The following LRRC7 variants were observed in gnomAD, a reference collection of about 807,000 sequenced individuals.
LRRC7 encodes leucine rich repeat containing 7.
A neutral mutation model predicts 175.7 loss-of-function variants in LRRC7; 23 were observed. The observed-to-expected ratio is 0.13, with a 90% CI of 0.09 to 0.19. The LOEUF (loss-of-function observed/expected upper bound fraction) is 0.19, where lower values mean the gene tolerates loss of function less well. Among genes scored for constraint, LRRC7 ranks in the 10% least tolerant of loss-of-function variants. LRRC7 has a pLI of 1.00. For synonymous variants in LRRC7, 685 were observed against 680.9 expected (o/e 1.01, Z -0.09); for missense variants, 1,354 against 1,904.7 (o/e 0.71, Z 5.38).
intron 2 of LRRC7, among the ~76,000 whole-genome samples, chr1:69,701,656 A>G (rs75631580): frequency 0.025 from 3,825 of 152,324 alleles, 147 homozygotes; most frequent in African/African-American, 0.085. Context: ...TCTGTTTCAC[A>G]TGAGGCTGTT....
chr1:69,944,856 G>C (rs879256459), intron 8 of LRRC7, among the ~76,000 whole-genome samples: 2 of 151,444 alleles, frequency 1.3e-5, no homozygotes, highest in Non-Finnish European at 2.9e-5. Context: ...TTTTAACCAG[G>C]TTGTTTTACT....
In LRRC7 at chr1:70,005,997, C is replaced by G. The variant is rs1229201497; in HGVS notation, c.1005-5800C>G. Among the ~76,000 whole-genome samples the G allele has an allele frequency of 2.0e-5, 3 of 149,030 alleles. 1 individual carries two copies. The highest frequency in any genetic ancestry group is 7.4e-5 in the African/African-American group (3 of 40,518). Reference sequence around the variant, plus strand: ...AGGTAACCTTTGGTCTTTTTTTTTTCACTTCATTACAAATGTCAGTGGCAA... The same window carrying G: ...AGGTAACCTTTGGTCTTTTTTTTTTGACTTCATTACAAATGTCAGTGGCAA... On this transcript the variant is annotated intron_variant, in intron 11 of 26. Coordinates refer to ENST00000651989, the MANE Select transcript of LRRC7 (RefSeq NM_001370785.2).
At chr1:69,581,316 T>C (rs1015365675) in intron 1 of LRRC7, among the ~76,000 whole-genome samples, 3 of 152,174 alleles carry the variant, frequency 2.0e-5, no homozygotes, top group African/African-American at 7.2e-5. Context: ...TACAGTGAGC[T>C]GGACAATAAA....
chr1:69,868,510 T>A (rs1267622964), intron 7 of LRRC7, among the ~76,000 whole-genome samples: 1 of 152,010 alleles, frequency 6.6e-6, no homozygotes, highest in Non-Finnish European at 1.5e-5. Flanking sequence ...AGGAATATAG[T>A]GTGTACTTGA....
rs1279278442 is a variant in LRRC7 at position 70,142,926 on chromosome 1, AT to A, written c.*21045del. On this transcript the variant is annotated 3_prime_UTR_variant, in exon 27 of 27. Coordinates refer to ENST00000651989, the MANE Select transcript of LRRC7 (RefSeq NM_001370785.2). Reference sequence around the variant, plus strand: ...TGTTTTCTAAGTATCTATGAAAATTATTTTTTCCTAAACGATTTCATAATTG... The same window carrying A: ...TGTTTTCTAAGTATCTATGAAAATTATTTTTCCTAAACGATTTCATAATTG... 6.6e-6 allele frequency: 1 copy of A among 151,902 alleles called. No individual in the cohort carries two copies. Among genetic ancestry groups the A allele is most frequent in the African/African-American group, 2.4e-5 (1 of 41,368 alleles). The allele number at this position is 151,902 out of a possible 1,614,324, so 9.4% of individuals were successfully genotyped here. A position where few individuals can be genotyped will look rare whatever the true frequency, so the allele number is the denominator to read the frequency against.
At chr1:69,978,839 A>C (rs1009824392) in intron 8 of LRRC7, among the ~76,000 whole-genome samples, 1 of 151,630 alleles carries the variant, frequency 6.6e-6, no homozygotes, top group Non-Finnish European at 1.5e-5. Context: ...TACAAAGTGC[A>C]CTGCTTTTGT....
At chr1:69,755,243 A>C (rs1302637019) in intron 2 of LRRC7, among the ~76,000 whole-genome samples, 2 of 151,878 alleles carry the variant, frequency 1.3e-5, no homozygotes, top group Admixed American at 6.6e-5. Context: ...ATCTATTCTT[A>C]TAACAAAGAC....
chr1:69,997,084 G>C (rs1318261628), intron 11 of LRRC7, among the ~76,000 whole-genome samples: 1 of 152,066 alleles, frequency 6.6e-6, no homozygotes, highest in Non-Finnish European at 1.5e-5. Flanking sequence ...TTGAGCAGTG[G>C]TTTGTAGTTC....
chr1:69,913,675 C>A (rs530090339), intron 7 of LRRC7, among the ~76,000 whole-genome samples: 12 of 152,160 alleles, frequency 7.9e-5, no homozygotes, highest in African/African-American at 2.9e-4. Flanking sequence ...CCACGCCTGG[C>A]TAATTTTTTG....
In LRRC7 at chr1:69,637,241, C is replaced by G. The variant is rs1424974498; in HGVS notation, c.3-41140C>G. Among the ~76,000 whole-genome samples, 3 of 151,904 alleles carry G rather than the reference C, an allele frequency of 2.0e-5. No homozygotes were observed. In the East Asian group the frequency reaches 5.8e-4, roughly 29 times the overall value. On this transcript the variant is annotated intron_variant, in intron 1 of 26. Transcript: ENST00000651989. ...TACTGAATAAATGTCTTTAATAGCT[C>G]TAAATAAATTTAGGTGGTTTTCTAA...
At chr1:69,597,406 A>T (rs1279721062) in intron 1 of LRRC7, among the ~76,000 whole-genome samples, 1 of 152,186 alleles carries the variant, frequency 6.6e-6, no homozygotes, top group Non-Finnish European at 1.5e-5. Flanking sequence ...ATATGTAAAG[A>T]CCTTAATATG....
At chr1:69,997,861 T>C (rs1010372463) in intron 11 of LRRC7, among the ~76,000 whole-genome samples, 1 of 152,198 alleles carries the variant, frequency 6.6e-6, no homozygotes, top group Non-Finnish European at 1.5e-5. Flanking sequence ...TCTAAAATTC[T>C]CTTTTGTGGT....
At chr1:69,720,353 C>T (rs1340773) in intron 2 of LRRC7, among the ~76,000 whole-genome samples, 34,469 of 151,458 alleles carry the variant, frequency 0.23, 4,493 homozygotes, top group South Asian at 0.33. Flanking sequence ...TGAATAATTA[C>T]TACTAGCAAT....
At chr1:69,802,663 T>G (rs1676655241) in intron 4 of LRRC7, among the ~76,000 whole-genome samples, 1 of 151,484 alleles carries the variant, frequency 6.6e-6, no homozygotes, top group East Asian at 1.9e-4. Context: ...TCATGTTGCT[T>G]AATCCATACT....
At chr1:69,908,512 T>G (rs563704029) in intron 7 of LRRC7, among the ~76,000 whole-genome samples, 1 of 152,148 alleles carries the variant, frequency 6.6e-6, no homozygotes, top group Non-Finnish European at 1.5e-5. Flanking sequence ...GCCTTCATTT[T>G]GTTATGTATC....
chr1:69,647,818 T>C (rs1380260423), intron 1 of LRRC7, among the ~76,000 whole-genome samples: 1 of 152,126 alleles, frequency 6.6e-6, no homozygotes, highest in Non-Finnish European at 1.5e-5. Context: ...TATGGGATGA[T>C]TTTTTCAATT....
chr1:70,124,169 G>A lies in LRRC7; in HGVS notation c.*2282G>A, dbSNP rs1666339514. 6.6e-6 allele frequency among the ~76,000 whole-genome samples: 1 copy of A among 152,164 alleles called. No homozygotes were observed. The highest frequency in any genetic ancestry group is 1.5e-5 in the Non-Finnish European group (1 of 68,028). On this transcript the variant is annotated 3_prime_UTR_variant, in exon 27 of 27. Coordinates refer to ENST00000651989, the MANE Select transcript of LRRC7 (RefSeq NM_001370785.2). ...ACCAACTGGAAAAGTTATCTGATAT[G>A]CCAAAGCACCTCACTGTCAATAGTA...
At chr1:69,631,084 A>G (rs1048852328) in intron 1 of LRRC7, among the ~76,000 whole-genome samples, 5 of 152,006 alleles carry the variant, frequency 3.3e-5, no homozygotes, top group African/African-American at 9.7e-5. Context: ...TGATAATTTT[A>G]TACATCCATA....
intron 2 of LRRC7, among the ~76,000 whole-genome samples, chr1:69,711,895 A>C (rs2100736245): frequency 6.6e-6 from 1 of 152,314 alleles, no homozygotes; most frequent in South Asian, 2.1e-4. Context: ...AGCTTGGGCC[A>C]CAGAAAGATG....
Sources: allele counts gnomAD v4.1 joint callset (sites outside exome capture counted in the v4.1 genomes callset), GRCh38; gene constraint gnomAD v4.1.1; transcripts MANE v1.5; gene names NCBI Gene and HGNC (gene_info 2026-07-23, HGNC 2026-07-21).